The following NASP variants were observed in gnomAD, a reference collection of about 807,000 sequenced individuals.
NASP encodes nuclear autoantigenic sperm protein.
In NASP, 24 loss-of-function variants were observed where a neutral mutation model predicts 89.5. The observed-to-expected ratio is 0.27, with a 90% CI of 0.19 to 0.38. NASP has a LOEUF of 0.38. Ranked by LOEUF, NASP falls within the 10% of genes least tolerant of loss-of-function variation. The pLI, the probability that NASP is intolerant of heterozygous loss-of-function variation, is 1.00. For synonymous variants in NASP, 306 were observed against 324.7 expected (o/e 0.94, Z 0.62); for missense variants, 848 against 921.4 (o/e 0.92, Z 1.03).
chr1:45,611,515 G>A (rs893882536), intron 6 of NASP: 3 of 131,008 alleles, frequency 2.3e-5, no homozygotes, highest in Admixed American at 8.9e-5. Context: ...CACCCAGGCT[G>A]GAATGCAGTG....
chr1:45,590,321 G>C (rs1357467464), intron 1 of NASP, among the ~76,000 whole-genome samples: 1 of 37,276 alleles, frequency 2.7e-5, no homozygotes, highest in East Asian at 7.9e-4. Flanking sequence ...GAGGCAGGTG[G>C]ATCACGAGGT....
chr1:45,605,112 G>C, intron 4 of NASP, 96 bp downstream of exon 4: 1 of 963,770 alleles, frequency 1.0e-6, no homozygotes, highest in South Asian at 1.4e-5. Flanking sequence ...GTTTTACCTA[G>C]AGAGTTTTGA....
chr1:45,610,732 T>C, intron 6 of NASP: 1 of 152,396 alleles, frequency 6.6e-6, no homozygotes, highest in Non-Finnish European at 1.5e-5. Flanking sequence ...CTCAGGCAGC[T>C]GAGACTATGG....
chr1:45,590,031 T>C (rs1022157111), intron 1 of NASP, among the ~76,000 whole-genome samples: 4 of 152,194 alleles, frequency 2.6e-5, no homozygotes, highest in Admixed American at 1.3e-4. Flanking sequence ...ACCTGGGCAG[T>C]TGTTAGAAAT....
rs796785271 is a variant in NASP at position 45,618,776 on chromosome 1, T to TG, written c.*639dup. ...CTCCAGATGTGGTTGGAAGCATATGTGGGGAGGCTGGCTGGTTGAGTTTTG... is the reference window on the plus strand; with the variant it reads ...CTCCAGATGTGGTTGGAAGCATATGTGGGGGAGGCTGGCTGGTTGAGTTTTG... On this transcript the variant is annotated 3_prime_UTR_variant, in exon 15 of 15. Transcript: ENST00000350030. The TG allele has an allele frequency of 1.3e-5, 2 of 152,352 alleles. No individual in the cohort carries two copies. Among genetic ancestry groups the TG allele is most frequent in the African/African-American group, 4.8e-5 (2 of 41,556 alleles). The allele number at this position is 152,352 out of a possible 1,614,324, so 9.4% of individuals were successfully genotyped here. A position where few individuals can be genotyped will look rare whatever the true frequency, so the allele number is the denominator to read the frequency against.
chr1:45,617,573 G>A lies in NASP; in HGVS notation c.2268G>A (p.Ser756=), dbSNP rs750851278. Residue 756 remains serine, a synonymous_variant, in exon 14 of 15, where the codon TCG becomes TCA. Transcript: ENST00000350030. ...GDAVPSGNEV[S]ENMEEEAENQ... ...CTGTCCCCAGTGGAAATGAAGTTTC[G>A]GAAAACATGGAGGAGGAGGTGGGCA... 12 of 1,594,020 alleles carry A rather than the reference G, an allele frequency of 7.5e-6. No homozygotes were observed. The Admixed American group carries it at 1.3e-4, about 17-fold the overall frequency.
chr1:45,607,597 C>T lies in NASP; in HGVS notation c.686C>T (p.Ser229Phe), dbSNP rs767859746. 9 of 1,613,832 alleles carry T rather than the reference C, an allele frequency of 5.6e-6. No individual in the cohort carries two copies. The highest frequency in any genetic ancestry group is 1.7e-5 in the Admixed American group (1 of 59,994). Residue 229 changes from serine (S) to phenylalanine (F), a missense_variant, in exon 6 of 15, where the codon TCT becomes TTT. Coordinates refer to ENST00000350030, the MANE Select transcript of NASP (RefSeq NM_002482.4). Reference sequence around the variant, plus strand: ...GGACCGAATGAAGCTGAGGTCACTTCTGGGAAGCCAGAACAGGAAGTACCA... The same window carrying T: ...GGACCGAATGAAGCTGAGGTCACTTTTGGGAAGCCAGAACAGGAAGTACCA... ...PEGPNEAEVT[S>F]GKPEQEVPDA...
At chr1:45,586,309 G>GTGTGTGGTGTGTGT (rs1420228919) in intron 1 of NASP, among the ~76,000 whole-genome samples, 2 of 136,076 alleles carry the variant, frequency 1.5e-5, no homozygotes, top group African/African-American at 5.7e-5. Flanking sequence ...GTGTGTGTGT[G>GTGTGTGGTGTGTGT]GTGTGTGTGT....
intron 2 of NASP, among the ~76,000 whole-genome samples, chr1:45,601,807 G>C (rs1286346751): frequency 7.7e-6 from 1 of 130,080 alleles, no homozygotes; most frequent in East Asian, 2.3e-4. Flanking sequence ...CCAGGCTGGA[G>C]TGCAGTGGCG....
chr1:45,614,381 AT>A lies in NASP; in HGVS notation c.1666+19del. 1 of 1,581,998 alleles carries A rather than the reference AT, an allele frequency of 6.3e-7. No homozygotes were observed. Among genetic ancestry groups the A allele is most frequent in the Non-Finnish European group, 8.7e-7 (1 of 1,150,728 alleles). ...TGTTGAATCTGGTAATGCATTTTCCATTTTATACTCTCCTACTCTCTTCAGC... is the reference window on the plus strand; with the variant it reads ...TGTTGAATCTGGTAATGCATTTTCCATTTATACTCTCCTACTCTCTTCAGC... On this transcript the variant is annotated intron_variant, in intron 9 of 14. Transcript: ENST00000350030.
At chr1:45,585,672 T>TA (rs1464961564) in intron 1 of NASP, among the ~76,000 whole-genome samples, 5 of 152,176 alleles carry the variant, frequency 3.3e-5, no homozygotes, top group African/African-American at 1.2e-4. Flanking sequence ...TGTTTTTGTT[T>TA]TGTTTTTGCA....
intron 6 of NASP, chr1:45,610,574 A>G (rs956514688): frequency 3.3e-5 from 5 of 152,062 alleles, no homozygotes; most frequent in African/African-American, 1.2e-4. Flanking sequence ...TGGGCTGTAC[A>G]TTTGCTTCTA....
chr1:45,605,111 A>G, intron 4 of NASP, 95 bp downstream of exon 4: 3 of 979,254 alleles, frequency 3.1e-6, no homozygotes, highest in Non-Finnish European at 4.8e-6. Flanking sequence ...GGTTTTACCT[A>G]GAGAGTTTTG....
chr1:45,603,238 C>T (rs1643873413), intron 3 of NASP, among the ~76,000 whole-genome samples: 1 of 152,176 alleles, frequency 6.6e-6, no homozygotes, highest in Non-Finnish European at 1.5e-5. Flanking sequence ...AATCGTCAAG[C>T]AACAGGCTTT....
At position 45,591,215 on chromosome 1, in the gene NASP, T is replaced by C; in HGVS notation, c.60-8T>C. 2 of 1,512,930 alleles carry C rather than the reference T, an allele frequency of 1.3e-6. No individual in the cohort carries two copies. Among genetic ancestry groups the C allele is most frequent in the Non-Finnish European group, 1.8e-6 (2 of 1,127,460 alleles). 93.7% of individuals were successfully genotyped at this position (1,512,930 alleles called of 1,614,324 possible). On this transcript the variant is annotated splice_polypyrimidine_tract_variant and splice_region_variant and intron_variant, in intron 1 of 14. Transcript: ENST00000350030. Reference sequence around the variant, plus strand: ...TTACATTTTTTCCCCTTTAATTTTTTATTACAGAATTGAAGATGTTCCTGC... The same window carrying C: ...TTACATTTTTTCCCCTTTAATTTTTCATTACAGAATTGAAGATGTTCCTGC...
At chr1:45,617,696 G>A (rs1048138386) in intron 14 of NASP, 105 bp downstream of exon 14, 109 of 1,329,592 alleles carry the variant, frequency 8.2e-5, no homozygotes, top group Non-Finnish European at 1.0e-4. Flanking sequence ...GCCTGCTAAC[G>A]ATTGTTGAGT....
chr1:45,610,601 TG>T (rs1365565562), intron 6 of NASP: 1 of 152,252 alleles, frequency 6.6e-6, no homozygotes, highest in Non-Finnish European at 1.5e-5. Context: ...ATAATTGGTC[TG>T]TTCTTTTTCT....
In NASP at chr1:45,585,122, C is replaced by T. The variant is rs1644512489; in HGVS notation, c.59+917C>T. On this transcript the variant is annotated intron_variant, in intron 1 of 14. Coordinates refer to ENST00000350030, the MANE Select transcript of NASP (RefSeq NM_002482.4). ...CAAGATAGGATTGTTTTGAAAGCGGCACAGTGCCACTCAGGCGTAATCTGT... is the reference window on the plus strand; with the variant it reads ...CAAGATAGGATTGTTTTGAAAGCGGTACAGTGCCACTCAGGCGTAATCTGT... Among the ~76,000 whole-genome samples the T allele has an allele frequency of 2.6e-5, 4 of 152,184 alleles. No homozygotes were observed. In the South Asian group the frequency reaches 8.3e-4, roughly 31 times the overall value.
chr1:45,598,522 C>T (rs1190901804), intron 2 of NASP, among the ~76,000 whole-genome samples: 2 of 152,200 alleles, frequency 1.3e-5, no homozygotes, highest in African/African-American at 2.4e-5. Context: ...GTCAGTCCTA[C>T]AACGTCTTTA....
Sources: gnomAD v4.1 joint callset for allele counts (sites outside exome capture counted in the v4.1 genomes callset) on GRCh38, gnomAD v4.1.1 for gene constraint, MANE v1.5 for transcripts, NCBI Gene and HGNC (gene_info 2026-07-23, HGNC 2026-07-21) for gene names.